The following STAT5B variants were observed in gnomAD, a reference collection of about 807,000 sequenced individuals.
STAT5B encodes the protein signal transducer and activator of transcription 5B.
Under a neutral mutation model 107.8 loss-of-function variants are expected in STAT5B, and 21 were observed. The observed-to-expected ratio is 0.19, with a 90% confidence interval of 0.14 to 0.28. The LOEUF (loss-of-function observed/expected upper bound fraction) is 0.28. STAT5B is among the 10% of genes least tolerant of loss of function. The pLI is 1.00. For missense variants in STAT5B, 565 were observed against 1,008.2 expected, an observed-to-expected ratio of 0.56 and a Z score of 5.95; for synonymous variants, 325 against 401.7, an observed-to-expected ratio of 0.81 and a Z score of 2.28.
intron 13 of STAT5B, among the ~76,000 whole-genome samples, 165 bp downstream of exon 13, chr17:42,211,819 C>G (rs937609148): frequency 2.6e-5 from 4 of 152,196 alleles, no homozygotes; most frequent in Non-Finnish European, 5.9e-5. Context: ...ATTTTCTACA[C>G]GTGACCTGGG....
At chr17:42,285,825 C>G in the STAT5B span, among the ~76,000 whole-genome samples, 1 of 152,098 alleles carries the variant, frequency 6.6e-6, no homozygotes, top group African/African-American at 2.4e-5. Flanking sequence ...CACTGCATCT[C>G]AAAGGGAGAA....
rs1213462676 is a variant in STAT5B at position 42,210,235 on chromosome 17, G to A, written c.1842C>T (p.Thr614=). 1 of 1,614,084 alleles carries A rather than the reference G, an allele frequency of 6.2e-7. No individual in the cohort carries two copies. Among genetic ancestry groups the A allele is most frequent in the African/African-American group, 1.3e-5 (1 of 74,928 alleles). Residue 614 remains threonine, a synonymous_variant, in exon 15 of 19, where the codon ACC becomes ACT. Coordinates refer to ENST00000293328, the MANE Select transcript of STAT5B (RefSeq NM_012448.4). The part of the protein sequence containing the change: ...HDLLINKPDG[T]FLLRFSDSEI... ...CTGAGTCACTGAATCTCAGGAGGAA[G>A]GTCCCATCTGGCTTGTTAATGAGTA...
In STAT5B at chr17:42,201,230, A is replaced by G. The variant is rs187214937; in HGVS notation, c.*508T>C. 4 of 423,818 alleles carry G rather than the reference A, an allele frequency of 9.4e-6. No homozygotes were observed. Among genetic ancestry groups the G allele is most frequent in the Non-Finnish European group, 1.7e-5 (4 of 240,328 alleles). The allele number at this position is 423,818 out of a possible 1,614,324, so 26.3% of individuals were successfully genotyped here. ...TCTCTTTGTCAAAAAGCAGTTATCT[A>G]CATTTCAGAAGAAAAGCAGAGACAA... On this transcript the variant is annotated 3_prime_UTR_variant, in exon 19 of 19. Transcript: ENST00000293328.
At chr17:42,252,589 T>A (rs767272591) in intron 1 of STAT5B, among the ~76,000 whole-genome samples, 2 of 152,196 alleles carry the variant, frequency 1.3e-5, no homozygotes, top group African/African-American at 4.8e-5. Context: ...GGATGGTAGG[T>A]CAGTTATTTC....
At chr17:42,215,732 C>T (rs1213019478) in intron 12 of STAT5B, among the ~76,000 whole-genome samples, 1 of 152,068 alleles carries the variant, frequency 6.6e-6, no homozygotes, top group Non-Finnish European at 1.5e-5. Flanking sequence ...GATTGTCGTG[C>T]CTCAGCCTCC....
chr17:42,288,052 C>T, the STAT5B span: 1 of 152,328 alleles, frequency 6.6e-6, no homozygotes, highest in South Asian at 2.1e-4. This position sits in a 1 kb window ranked among gnomAD's most constrained non-coding sequence, Gnocchi z 4.8. Context: ...ATTTTTTAAT[C>T]TAGGGGCTCA....
At chr17:42,236,382 G>A (rs1418770802) in intron 1 of STAT5B, among the ~76,000 whole-genome samples, 2 of 152,178 alleles carry the variant, frequency 1.3e-5, no homozygotes, top group Non-Finnish European at 2.9e-5. Context: ...ACCCAGTTTA[G>A]GAAAAAACCA....
chr17:42,244,847 A>G (rs1029919271), intron 1 of STAT5B, among the ~76,000 whole-genome samples: 12 of 152,224 alleles, frequency 7.9e-5, no homozygotes, highest in African/African-American at 2.9e-4. Flanking sequence ...TAAATGAAAT[A>G]TAAAAGCTAT....
chr17:42,218,658 C>T (rs1005224721), intron 8 of STAT5B, 65 bp downstream of exon 8: 12 of 1,611,962 alleles, frequency 7.4e-6, no homozygotes, highest in East Asian at 2.2e-5. Flanking sequence ...AAGGCACCTG[C>T]GGCTCCCCCC....
rs2080044550 is a variant in STAT5B, at chr17:42,201,575, T to C, written c.*163A>G. On this transcript the variant is annotated 3_prime_UTR_variant, in exon 19 of 19. Coordinates refer to ENST00000293328, the MANE Select transcript of STAT5B (RefSeq NM_012448.4). ...ACACAAACACATACTCGCACTCCCT[T>C]CGCTGGTGCCACCATGCACAGAAAC... 2 of 699,202 alleles carry C rather than the reference T, an allele frequency of 2.9e-6. No individual in the cohort carries two copies. Among genetic ancestry groups the C allele is most frequent in the African/African-American group, 1.8e-5 (1 of 57,028 alleles). 43.3% of individuals were successfully genotyped at this position (699,202 alleles called of 1,614,324 possible).
In STAT5B at chr17:42,201,703, A is replaced by C. The variant is rs2080045449; in HGVS notation, c.*35T>G. ...ATCCACAAGAGTGATTCCTCTGGTG[A>C]AGATGAAGAAGCTGAAGATGGAGAG... On this transcript the variant is annotated 3_prime_UTR_variant, in exon 19 of 19. Transcript: ENST00000293328. The C allele has an allele frequency of 2.3e-6, 3 of 1,278,166 alleles. No individual in the cohort carries two copies. The East Asian group carries it at 6.9e-5, about 29-fold the overall frequency. The allele number at this position is 1,278,166 out of a possible 1,614,324, so 79.2% of individuals were successfully genotyped here. A position where few individuals can be genotyped will look rare whatever the true frequency, so the allele number is the denominator to read the frequency against.
chr17:42,237,153 T>A (rs1268061932), intron 1 of STAT5B, among the ~76,000 whole-genome samples: 2 of 152,218 alleles, frequency 1.3e-5, no homozygotes, highest in African/African-American at 4.8e-5. Flanking sequence ...CTGTACTTTC[T>A]GAAGGCATAA....
chr17:42,214,686 CT>C, intron 12 of STAT5B: 1 of 931,752 alleles, frequency 1.1e-6, no homozygotes, highest in Non-Finnish European at 1.3e-6. Flanking sequence ...AATGATAACC[CT>C]TTTATCATGC....
chr17:42,245,356 G>A (rs927315607), intron 1 of STAT5B, among the ~76,000 whole-genome samples: 2 of 149,780 alleles, frequency 1.3e-5, no homozygotes, highest in African/African-American at 4.9e-5. Flanking sequence ...AATTACAGGC[G>A]TGAGCTACCG....
upstream of STAT5B, among the ~76,000 whole-genome samples, chr17:42,278,960 A>G (rs930901484): frequency 6.6e-6 from 1 of 151,584 alleles, no homozygotes; most frequent in Non-Finnish European, 1.5e-5. Context: ...GCCTGGGGCG[A>G]CAGAGTGAGA....
At chr17:42,244,911 TA>T (rs974092594) in intron 1 of STAT5B, among the ~76,000 whole-genome samples, 5 of 152,108 alleles carry the variant, frequency 3.3e-5, no homozygotes, top group African/African-American at 1.2e-4. Flanking sequence ...TTTATTTATT[TA>T]TTTTTTTGAG....
the STAT5B span, among the ~76,000 whole-genome samples, chr17:42,286,673 G>A: frequency 1.3e-5 from 2 of 152,252 alleles, no homozygotes; most frequent in South Asian, 2.1e-4. Flanking sequence ...GGCAAGGGTG[G>A]CCCTCTGCCC....
At chr17:42,212,492 T>A (rs1462603690) in intron 12 of STAT5B, among the ~76,000 whole-genome samples, 1 of 152,252 alleles carries the variant, frequency 6.6e-6, no homozygotes, top group Non-Finnish European at 1.5e-5. Context: ...AACCAAGGTC[T>A]GGCTCTTAGA....
intron 2 of STAT5B, among the ~76,000 whole-genome samples, chr17:42,230,006 A>G (rs1397553086): frequency 6.6e-6 from 1 of 152,208 alleles, no homozygotes; most frequent in East Asian, 1.9e-4. Context: ...GAACTCTGCT[A>G]AGTGAAATCT....
Sources: allele counts gnomAD v4.1 joint callset (sites outside exome capture counted in the v4.1 genomes callset), GRCh38; gene constraint gnomAD v4.1.1; non-coding constraint Gnocchi (gnomAD v3.1); transcripts MANE v1.5; gene names NCBI Gene and HGNC (gene_info 2026-07-23, HGNC 2026-07-21).